Variants in CADM2 observed in about 807,000 individuals in gnomAD.
CADM2 encodes the protein immunoglobulin superfamily member 4D.
CADM2 carries 12 observed loss-of-function variants against 49.8 expected under a neutral mutation model. The ratio of observed to expected loss-of-function variants is 0.24; its 90% CI spans 0.15 to 0.39. The LOEUF (loss-of-function observed/expected upper bound fraction) is 0.39. Ranked by LOEUF, CADM2 falls within the 10% of genes least tolerant of loss-of-function variation. CADM2 has a pLI of 1.00. For missense variants in CADM2, 378 were observed against 492.3 expected, an observed-to-expected ratio of 0.77 and a Z score of 2.20; for synonymous variants, 214 against 175.4, an observed-to-expected ratio of 1.22 and a Z score of -1.74.
At chr3:85,225,372 G>A (rs2042134802) in intron 1 of CADM2, among the ~76,000 whole-genome samples, 2 of 152,186 alleles carry the variant, frequency 1.3e-5, no homozygotes, top group Non-Finnish European at 2.9e-5. Flanking sequence ...AATTGTGAAT[G>A]GGAGTTCACT....
chr3:85,730,893 G>A (rs937687380), intron 2 of CADM2, among the ~76,000 whole-genome samples: 2 of 152,060 alleles, frequency 1.3e-5, no homozygotes, highest in African/African-American at 2.4e-5. Context: ...TTTTCAAAGC[G>A]AATGTCTTAA....
At chr3:85,245,135 G>GA in intron 1 of CADM2, among the ~76,000 whole-genome samples, 1 of 152,038 alleles carries the variant, frequency 6.6e-6, no homozygotes, top group Middle Eastern at 3.4e-3. Flanking sequence ...ACCATCAAAG[G>GA]AAAAAAGACC....
At chr3:85,922,915 G>A (rs1211322198) in intron 6 of CADM2, among the ~76,000 whole-genome samples, 15 of 151,122 alleles carry the variant, frequency 9.9e-5, no homozygotes, top group Admixed American at 4.0e-4. Flanking sequence ...TCCGCCTCCC[G>A]GGTTCAAGCG....
intron 8 of CADM2, among the ~76,000 whole-genome samples, chr3:85,967,699 C>A (rs1725638839): frequency 6.6e-6 from 1 of 151,502 alleles, no homozygotes; most frequent in Non-Finnish European, 1.5e-5. Context: ...CCAGCCCCTG[C>A]AACGTGCATT....
At chr3:85,100,139 T>G (rs2037957050) in intron 1 of CADM2, among the ~76,000 whole-genome samples, 1 of 152,194 alleles carries the variant, frequency 6.6e-6, no homozygotes, top group African/African-American at 2.4e-5. Context: ...TTTTAAAACC[T>G]TCTCCAGTGA....
chr3:85,610,993 C>A (rs1051807769), intron 1 of CADM2, among the ~76,000 whole-genome samples: 12 of 151,742 alleles, frequency 7.9e-5, no homozygotes, highest in Non-Finnish European at 1.6e-4. Context: ...TGACTGAAAC[C>A]ATAACTTGCT....
intron 1 of CADM2, among the ~76,000 whole-genome samples, chr3:85,110,766 CAG>C (rs1389143685): frequency 1.3e-5 from 2 of 151,772 alleles, no homozygotes; most frequent in African/African-American, 4.8e-5. Flanking sequence ...TTGGTGAAGA[CAG>C]AGTTGCAATA....
At chr3:85,497,374 C>T (rs539092787) in intron 1 of CADM2, among the ~76,000 whole-genome samples, 12 of 151,946 alleles carry the variant, frequency 7.9e-5, no homozygotes, top group South Asian at 2.1e-4. Flanking sequence ...AGCCTATAGG[C>T]GTCATTACAT....
At chr3:85,618,705 T>A (rs1345767158) in intron 1 of CADM2, among the ~76,000 whole-genome samples, 1 of 152,112 alleles carries the variant, frequency 6.6e-6, no homozygotes, top group East Asian at 1.9e-4. Flanking sequence ...AGTACACAGA[T>A]ATACTATTAA....
At chr3:85,314,974 TCA>T (rs2044430279) in intron 1 of CADM2, among the ~76,000 whole-genome samples, 1 of 152,216 alleles carries the variant, frequency 6.6e-6, no homozygotes, top group Admixed American at 6.5e-5. Flanking sequence ...AAGTTTATTC[TCA>T]CACAGTTCTG....
intron 8 of CADM2, chr3:85,994,639 C>G (rs968223282): frequency 6.6e-6 from 1 of 152,126 alleles, no homozygotes; most frequent in Non-Finnish European, 1.5e-5. Context: ...TGTGCCACCT[C>G]CTTTCATTTG....
chr3:85,908,945 C>T (rs761707910), intron 5 of CADM2, among the ~76,000 whole-genome samples: 6 of 151,956 alleles, frequency 3.9e-5, no homozygotes, highest in East Asian at 3.9e-4. Flanking sequence ...AGGATGGTCT[C>T]GATATCCTGA....
intron 1 of CADM2, among the ~76,000 whole-genome samples, chr3:85,716,417 T>C (rs538794132): frequency 6.6e-6 from 1 of 152,312 alleles, no homozygotes; most frequent in South Asian, 2.1e-4. Flanking sequence ...CTTTGTCAGA[T>C]GGATAGATTG....
chr3:85,808,927 T>C (rs2072634010), intron 3 of CADM2, among the ~76,000 whole-genome samples: 1 of 152,102 alleles, frequency 6.6e-6, no homozygotes. Flanking sequence ...GAATTGGAGG[T>C]ACAGGTTCTC....
intron 8 of CADM2, among the ~76,000 whole-genome samples, chr3:86,041,946 G>A (rs138809415): frequency 1.4e-4 from 22 of 152,184 alleles, no homozygotes; most frequent in African/African-American, 3.1e-4. Context: ...GCTCAACTAC[G>A]TGGAAGCTGA....
chr3:85,599,948 C>G (rs1431333393), intron 1 of CADM2, among the ~76,000 whole-genome samples: 6 of 151,682 alleles, frequency 4.0e-5, no homozygotes, highest in Admixed American at 1.3e-4. Flanking sequence ...TTTAGGACAA[C>G]TCTGGAAATT....
At chr3:85,206,917 T>A (rs183950945) in intron 1 of CADM2, among the ~76,000 whole-genome samples, 2 of 152,082 alleles carry the variant, frequency 1.3e-5, no homozygotes, top group Admixed American at 1.3e-4. Flanking sequence ...TGGTTTGGAA[T>A]TTGTCATGGT....
chr3:85,479,515 G>C (rs982188171), intron 1 of CADM2, among the ~76,000 whole-genome samples: 1 of 151,818 alleles, frequency 6.6e-6, no homozygotes, highest in Non-Finnish European at 1.5e-5. Context: ...ACCTTTGTTA[G>C]ATCACATAGC....
At chr3:85,205,938 A>G (rs901261778) in intron 1 of CADM2, among the ~76,000 whole-genome samples, 43 of 152,166 alleles carry the variant, frequency 2.8e-4, no homozygotes, top group African/African-American at 1.0e-3. Flanking sequence ...AAAAATAAAA[A>G]CCTAAAGCAA....
Sources: gnomAD v4.1 joint callset for allele counts (sites outside exome capture counted in the v4.1 genomes callset) on GRCh38, gnomAD v4.1.1 for gene constraint, MANE v1.5 for transcripts, NCBI Gene and HGNC (gene_info 2026-07-23, HGNC 2026-07-21) for gene names.